The following TMEM156 variants were observed in gnomAD, a reference collection of about 807,000 sequenced individuals.
The protein encoded by TMEM156 is transmembrane protein 156.
TMEM156 carries 28 observed loss-of-function variants against 30.5 expected under a neutral mutation model. That is an observed-to-expected ratio of 0.92 (90% confidence interval 0.68 to 1.26). The LOEUF (loss-of-function observed/expected upper bound fraction) is 1.26. Among genes scored for constraint, TMEM156 ranks in the 50% most tolerant of loss-of-function variants. The pLI, the probability that TMEM156 is intolerant of heterozygous loss-of-function variation, is 0.00. For missense variants in TMEM156, 351 were observed against 340.6 expected (o/e 1.03, Z -0.24); for synonymous variants, 137 against 119.9 (o/e 1.14, Z -0.93).
At chr4:39,027,841 C>G (rs1256665510) in intron 1 of TMEM156, among the ~76,000 whole-genome samples, 5 of 151,048 alleles carry the variant, frequency 3.3e-5, no homozygotes, top group Non-Finnish European at 2.9e-5. Flanking sequence ...ACTGCAACCT[C>G]CGCCTCCTGG....
At chr4:38,986,807 CAAAAAAAAAAAAAAAAAAAAAAAA>C (rs59087758) in intron 4 of TMEM156, among the ~76,000 whole-genome samples, 35 of 23,742 alleles carry the variant, frequency 1.5e-3, no homozygotes, top group South Asian at 4.7e-3. Context: ...GACTCCATCT[CAAAAAAAAAAAAAAAAAAAAAAAA>C]AAAAAAAAAA....
In TMEM156 at chr4:38,975,416, T is replaced by C. The variant is rs138524237; in HGVS notation, c.824-4279A>G. Among the ~76,000 whole-genome samples, 1,292 of 151,020 alleles carry C rather than the reference T, an allele frequency of 8.6e-3. 4 individuals are homozygous for C. The highest frequency in any genetic ancestry group is 0.016 in the South Asian group (74 of 4,744). ...TTTTTTTTTTGAGACAGAGTCTCGC[T>C]TTTTCACCCAAGCTGGAGTGCAGTG... On this transcript the variant is annotated intron_variant, in intron 5 of 6. Coordinates refer to ENST00000381938, the MANE Select transcript of TMEM156 (RefSeq NM_024943.3).
intron 1 of TMEM156, among the ~76,000 whole-genome samples, chr4:39,014,187 A>G (rs962701719): frequency 6.6e-6 from 1 of 152,238 alleles, no homozygotes; most frequent in East Asian, 1.9e-4. Flanking sequence ...TGAATAAGCT[A>G]TAAGTGATAT....
Position 38,998,752 on chromosome 4 carries a change from G to T in TMEM156, c.246C>A (p.Asn82Lys). The change falls in exon 2 of 7, where the codon AAC (asparagine) becomes AAA (lysine). Residue 82 changes from asparagine (N) to lysine (K), a missense_variant. By Grantham distance (94) the Asn-to-Lys change is moderately conservative (BLOSUM62 0). Transcript: ENST00000381938. ...TGATGTCTTGGCAAGTCCTGGTGAA[G>T]TTACGAAAATTGGAGGGATTTAGAA... ...RIFLNPSNFRNFTRTCQDITG... is the reference protein window; with the variant it reads ...RIFLNPSNFRKFTRTCQDITG... 6.2e-7 allele frequency: 1 copy of T among 1,613,864 alleles called. No individual in the cohort carries two copies. The highest frequency in any genetic ancestry group is 8.5e-7 in the Non-Finnish European group (1 of 1,179,912).
chr4:39,028,912 T>C (rs1282076601), intron 1 of TMEM156, among the ~76,000 whole-genome samples: 1 of 152,226 alleles, frequency 6.6e-6, no homozygotes, highest in African/African-American at 2.4e-5. Flanking sequence ...TAATAGTGCA[T>C]ACCCAATGCA....
intron 1 of TMEM156, among the ~76,000 whole-genome samples, chr4:39,000,459 T>C (rs1477586850): frequency 6.6e-6 from 1 of 152,198 alleles, no homozygotes; most frequent in Non-Finnish European, 1.5e-5. Context: ...ACAATTTACT[T>C]AATCTCCACG....
chr4:39,029,304 C>T (rs960336527), intron 1 of TMEM156, among the ~76,000 whole-genome samples: 6 of 151,692 alleles, frequency 4.0e-5, no homozygotes, highest in Non-Finnish European at 7.4e-5. Flanking sequence ...GGACAAGAAA[C>T]GAATGGAGTA....
Position 39,032,320 on chromosome 4 carries a change from T to A in TMEM156, c.-7A>T. ...GGAGGGCTGTTTTTGTCATGTCTCTTCACATGACACAAATGTGTTCCCTTG... is the reference window on the plus strand; with the variant it reads ...GGAGGGCTGTTTTTGTCATGTCTCTACACATGACACAAATGTGTTCCCTTG... On this transcript the variant is annotated 5_prime_UTR_variant, in exon 1 of 7. An upstream open reading frame in the 5' UTR gains an earlier in-frame stop. Transcript: ENST00000381938. 1.3e-6 allele frequency: 2 copies of A among 1,562,742 alleles called. No individual in the cohort carries two copies. Among genetic ancestry groups the A allele is most frequent in the Non-Finnish European group, 1.8e-6 (2 of 1,136,898 alleles).
intron 5 of TMEM156, among the ~76,000 whole-genome samples, chr4:38,983,937 G>T (rs562458287): frequency 3.3e-5 from 5 of 152,156 alleles, no homozygotes; most frequent in Admixed American, 6.5e-5. Context: ...GAGGGTTTGC[G>T]AGATTTAATA....
At chr4:38,989,171 A>G (rs1001668309) in intron 3 of TMEM156, among the ~76,000 whole-genome samples, 3 of 152,248 alleles carry the variant, frequency 2.0e-5, no homozygotes, top group African/African-American at 7.2e-5. Context: ...GGTAAACTTG[A>G]GTAGGTAGCT....
intron 1 of TMEM156, among the ~76,000 whole-genome samples, chr4:39,022,604 G>A (rs1410124053): frequency 4.6e-5 from 7 of 152,064 alleles, no homozygotes; most frequent in Admixed American, 1.3e-4. Flanking sequence ...TTTGTCCCAG[G>A]AGTATTTTTC....
At chr4:38,975,709 G>A (rs1396438521) in intron 5 of TMEM156, among the ~76,000 whole-genome samples, 1 of 151,994 alleles carries the variant, frequency 6.6e-6, no homozygotes, top group African/African-American at 2.4e-5. Flanking sequence ...GAATGGCTGT[G>A]GATCATTCTA....
At chr4:38,994,030 A>C (rs1712747176) in intron 2 of TMEM156, 32 bp from the exon 3 acceptor site, 1 of 1,579,268 alleles carries the variant, frequency 6.3e-7, no homozygotes, top group Non-Finnish European at 8.7e-7. Flanking sequence ...GTTATTTGCA[A>C]AATATTAATA....
chr4:38,990,817 G>A (rs1306848798), intron 3 of TMEM156, among the ~76,000 whole-genome samples: 1 of 137,956 alleles, frequency 7.2e-6, no homozygotes, highest in Non-Finnish European at 1.6e-5. Flanking sequence ...TTGTTTTTTT[G>A]GTTTGTTTTC....
rs1020674681 is a variant in TMEM156, at chr4:38,967,178, ACC to A, written c.*500_*501del. On this transcript the variant is annotated 3_prime_UTR_variant, in exon 7 of 7. Transcript: ENST00000381938. Reference sequence around the variant, plus strand: ...ATGCAAACAAACATATAAATAAACAACCAGGCCCTCTTCCCTTTTAAATAATC... The same window carrying A: ...ATGCAAACAAACATATAAATAAACAAAGGCCCTCTTCCCTTTTAAATAATC... 1 of 152,168 alleles carries A rather than the reference ACC, an allele frequency of 6.6e-6. No homozygotes were observed. Among genetic ancestry groups the A allele is most frequent in the Non-Finnish European group, 1.5e-5 (1 of 68,030 alleles). The allele number at this position is 152,168 out of a possible 1,614,324, so 9.4% of individuals were successfully genotyped here.
intron 2 of TMEM156, among the ~76,000 whole-genome samples, chr4:38,997,583 C>T (rs1307951353): frequency 1.3e-5 from 2 of 152,092 alleles, no homozygotes; most frequent in Non-Finnish European, 2.9e-5. Flanking sequence ...ACCTCTCTCA[C>T]TGAATAAATA....
intron 1 of TMEM156, among the ~76,000 whole-genome samples, chr4:39,009,815 G>A (rs2110016165): frequency 1.3e-5 from 2 of 152,282 alleles, no homozygotes; most frequent in South Asian, 4.1e-4. Context: ...AAAGTTGGAA[G>A]TGCTCTTCCT....
intron 5 of TMEM156, chr4:38,980,859 A>G (rs1288095485): frequency 2.3e-6 from 2 of 870,514 alleles, no homozygotes; most frequent in African/African-American, 3.6e-5. Flanking sequence ...GATGAAGGAG[A>G]TGTTTATGTG....
intron 2 of TMEM156, among the ~76,000 whole-genome samples, chr4:38,994,548 A>G (rs1407284274): frequency 1.3e-5 from 2 of 152,232 alleles, no homozygotes; most frequent in Non-Finnish European, 2.9e-5. Flanking sequence ...CTTGTGGGAC[A>G]GACTGTATTG....
Sources: gnomAD v4.1 joint callset for allele counts (sites outside exome capture counted in the v4.1 genomes callset) on GRCh38, gnomAD v4.1.1 for gene constraint, MANE v1.5 for transcripts, NCBI Gene and HGNC (gene_info 2026-07-23, HGNC 2026-07-21) for gene names.